The following SGK3 variants were observed in gnomAD, a reference collection of about 807,000 sequenced individuals.
SGK3 encodes the protein serum/glucocorticoid regulated kinase family member 3, also known as serine/threonine-protein kinase Sgk3.
Under a neutral mutation model 68.5 loss-of-function variants are expected in SGK3, and 47 were observed. The observed-to-expected ratio is 0.69, with a 90% confidence interval of 0.54 to 0.87. The LOEUF is 0.87. Among genes scored for constraint, SGK3 ranks in the 40% least tolerant of loss-of-function variants. The probability of loss-of-function intolerance (pLI) is 0.00; values close to 1 mark genes in which losing one functional copy is unlikely to be tolerated. For synonymous variants in SGK3, 181 were observed against 189.1 expected (o/e 0.96, Z 0.35); for missense variants, 479 against 575.5 (o/e 0.83, Z 1.72).
chr8:66,853,702 C>A (rs1207199427), intron 16 of SGK3, among the ~76,000 whole-genome samples: 4 of 152,096 alleles, frequency 2.6e-5, no homozygotes, highest in African/African-American at 9.7e-5. Flanking sequence ...ATTCTGGATT[C>A]TCTTTTTTTA....
At chr8:66,732,945 T>C (rs1456693656) in intron 1 of SGK3, among the ~76,000 whole-genome samples, 1 of 152,200 alleles carries the variant, frequency 6.6e-6, no homozygotes, top group East Asian at 1.9e-4. Context: ...TAGAGTGATC[T>C]CTTATTTAAT....
At chr8:66,759,181 G>A (rs887166952) in intron 1 of SGK3, among the ~76,000 whole-genome samples, 1 of 151,150 alleles carries the variant, frequency 6.6e-6, no homozygotes, top group African/African-American at 2.4e-5. Context: ...CGCCTCCTGG[G>A]TTCAAGTGAT....
chr8:66,759,831 C>T (rs111878665), intron 1 of SGK3, among the ~76,000 whole-genome samples: 2,786 of 152,036 alleles, frequency 0.018, 62 homozygotes, highest in South Asian at 0.045. Context: ...GTGATCCACC[C>T]GCCTCGGCCT....
chr8:66,713,303 A>G (rs1349113640), intron 1 of SGK3, among the ~76,000 whole-genome samples: 1 of 152,228 alleles, frequency 6.6e-6, no homozygotes, highest in Non-Finnish European at 1.5e-5. Flanking sequence ...CGTCTCTTCA[A>G]GTGAATCTGG....
At chr8:66,818,576 TTC>T (rs1382779667) in intron 5 of SGK3, among the ~76,000 whole-genome samples, 1 of 152,198 alleles carries the variant, frequency 6.6e-6, no homozygotes, top group Non-Finnish European at 1.5e-5. Flanking sequence ...CAATCTCTGT[TTC>T]TTTCTTCCTT....
chr8:66,781,474 G>A (rs996719707), intron 1 of SGK3, among the ~76,000 whole-genome samples: 1 of 152,136 alleles, frequency 6.6e-6, no homozygotes, highest in African/African-American at 2.4e-5. Flanking sequence ...TCAGCCTCCC[G>A]AGTAGTTGAG....
At chr8:66,730,687 T>G (rs1201875254) in intron 1 of SGK3, among the ~76,000 whole-genome samples, 8 of 147,698 alleles carry the variant, frequency 5.4e-5, no homozygotes, top group African/African-American at 2.1e-4. Flanking sequence ...CTCAGCACTG[T>G]TTTTTGTTTG....
Position 66,819,904 on chromosome 8 carries a change from G to A in SGK3, c.330-2468G>A, listed in dbSNP as rs116896083. On this transcript the variant is annotated intron_variant, in intron 5 of 16. Coordinates refer to ENST00000521198, the MANE Select transcript of SGK3 (RefSeq NM_001033578.3). ...ACCATCTTGGCTCACAGCAGACTCC[G>A]CCTCCTGGGTTCAAGAGATTCTCCT... 3.9e-3 allele frequency among the ~76,000 whole-genome samples: 596 copies of A among 151,498 alleles called. 4 individuals carry two copies. Among genetic ancestry groups the A allele is most frequent in the South Asian group, 7.5e-3 (36 of 4,798 alleles).
At chr8:66,825,619 T>C (rs1809024437) in intron 6 of SGK3, among the ~76,000 whole-genome samples, 2 of 152,300 alleles carry the variant, frequency 1.3e-5, no homozygotes, top group Admixed American at 1.3e-4. Context: ...TTAAGGACTT[T>C]TAAGTGAATA....
chr8:66,741,288 G>C (rs1054240661), intron 1 of SGK3, among the ~76,000 whole-genome samples: 16 of 152,044 alleles, frequency 1.1e-4, no homozygotes, highest in Non-Finnish European at 1.9e-4. Flanking sequence ...GGTGGCTCAC[G>C]CCTGTAATTG....
chr8:66,737,126 G>C (rs958815483), intron 1 of SGK3: 4 of 151,322 alleles, frequency 2.6e-5, no homozygotes, highest in African/African-American at 9.7e-5. Context: ...ACCACACCTG[G>C]CCCGATATTC....
chr8:66,806,015 C>G (rs1220053976), intron 4 of SGK3, among the ~76,000 whole-genome samples: 1 of 152,186 alleles, frequency 6.6e-6, no homozygotes, highest in African/African-American at 2.4e-5. Flanking sequence ...TTATCCTGCA[C>G]CTTTTTCATA....
chr8:66,832,241 G>T (rs1479221809), intron 8 of SGK3, among the ~76,000 whole-genome samples: 2 of 152,176 alleles, frequency 1.3e-5, no homozygotes, highest in Non-Finnish European at 1.5e-5. Context: ...ATCACTTAAG[G>T]CCAGGGTTAA....
chr8:66,781,765 C>T (rs1370260733), intron 1 of SGK3, among the ~76,000 whole-genome samples: 2 of 152,062 alleles, frequency 1.3e-5, no homozygotes, highest in African/African-American at 2.4e-5. Context: ...TATCAAGAAT[C>T]GGATAAGTAA....
chr8:66,729,357 G>A (rs1585638546), intron 1 of SGK3, among the ~76,000 whole-genome samples: 1 of 152,036 alleles, frequency 6.6e-6, no homozygotes, highest in Non-Finnish European at 1.5e-5. Context: ...TCGGGAGGCT[G>A]AGGCACGAGA....
intron 1 of SGK3, chr8:66,790,930 G>A (rs1807427206): frequency 6.6e-6 from 1 of 152,180 alleles, no homozygotes; most frequent in African/African-American, 2.4e-5. Context: ...TTGAGGCTGT[G>A]TTTCCTGGGG....
At position 66,793,846 on chromosome 8, in the gene SGK3, A is replaced by G. The variant is rs1156868128; in HGVS notation, c.96+14A>G. On this transcript the variant is annotated intron_variant, in intron 2 of 16. Coordinates refer to ENST00000521198, the MANE Select transcript of SGK3 (RefSeq NM_001033578.3). ...AAGAGGTTTACTGTAAGTATTTAAC[A>G]TAAAGCATGTGGGAAAAAAGTTGAA... 23 of 1,608,260 alleles carry G rather than the reference A, an allele frequency of 1.4e-5. No homozygotes were observed. The highest frequency in any genetic ancestry group is 1.8e-5 in the Non-Finnish European group (21 of 1,176,892).
At position 66,843,499 on chromosome 8, in the gene SGK3, A is replaced by G. The variant is rs752536070; in HGVS notation, c.1026A>G (p.Val342=). 3 of 1,613,908 alleles carry G rather than the reference A, an allele frequency of 1.9e-6. No individual in the cohort carries two copies. The change falls in exon 14 of 17, where the codon GTA becomes GTG. Residue 342 remains valine, a synonymous_variant. Coordinates refer to ENST00000521198, the MANE Select transcript of SGK3 (RefSeq NM_001033578.3). ...GAAAACAGCCCTATGACAATACTGT[A>G]GATTGGTGGTGCCTTGGGGCTGTTC... ...VIRKQPYDNT[V]DWWCLGAVLY... is the part of the protein sequence containing the mutation.
At chr8:66,780,423 A>G (rs1486854980) in intron 1 of SGK3, among the ~76,000 whole-genome samples, 2 of 152,220 alleles carry the variant, frequency 1.3e-5, no homozygotes, top group Non-Finnish European at 2.9e-5. Flanking sequence ...CCTAGTTGCA[A>G]TCCATAAATG....
Sources: gnomAD v4.1 joint callset for allele counts (sites outside exome capture counted in the v4.1 genomes callset) on GRCh38, gnomAD v4.1.1 for gene constraint, MANE v1.5 for transcripts, NCBI Gene and HGNC (gene_info 2026-07-23, HGNC 2026-07-21) for gene names.